GRAMD1C: variants seen among roughly 807,000 people sequenced by gnomAD.
GRAMD1C encodes the protein GRAM domain containing 1C, also known as protein Aster-C.
Under a neutral mutation model 97.8 loss-of-function variants are expected in GRAMD1C, and 89 were observed. The observed-to-expected ratio is 0.91, with a 90% CI of 0.77 to 1.09. GRAMD1C has a LOEUF of 1.09. Ranked by LOEUF, GRAMD1C falls within the 50% of genes least tolerant of loss-of-function variation. The pLI is 0.00. For missense variants in GRAMD1C, 740 were observed against 766.4 expected (o/e 0.97, Z 0.41); for synonymous variants, 256 against 267.0 (o/e 0.96, Z 0.40).
At position 113,838,948 on chromosome 3, in the gene GRAMD1C, GC is replaced by G; in HGVS notation, c.27+14del. 1 of 1,219,240 alleles carries G rather than the reference GC, an allele frequency of 8.2e-7. No homozygotes were observed. The highest frequency in any genetic ancestry group is 1.6e-5 in the African/African-American group (1 of 64,140). The allele number at this position is 1,219,240 out of a possible 1,614,324, so 75.5% of individuals were successfully genotyped here. ...CGACTGTCCGTCAGGTAAGCCGCGG[GC>G]CTCGCTGGGGCAGGTTCCCATCTGT... On this transcript the variant is annotated intron_variant, in intron 1 of 17. Coordinates refer to ENST00000358160, the MANE Select transcript of GRAMD1C (RefSeq NM_017577.5).
At chr3:113,882,862 A>G in intron 6 of GRAMD1C, 30 bp downstream of exon 6, 1 of 1,080,734 alleles carries the variant, frequency 9.3e-7, no homozygotes, top group Non-Finnish European at 1.4e-6. Context: ...GCAGTTGCTT[A>G]TTATAAGAAC....
chr3:113,886,973 G>C (rs142364088), intron 6 of GRAMD1C, among the ~76,000 whole-genome samples: 367 of 151,114 alleles, frequency 2.4e-3, no homozygotes, highest in African/African-American at 8.5e-3. Context: ...GTAGAGATGG[G>C]GTTTCGCCAT....
chr3:113,881,794 T>C lies in GRAMD1C; in HGVS notation c.460-958T>C, dbSNP rs76065765. Among the ~76,000 whole-genome samples the C allele has an allele frequency of 7.5e-3, 1,141 of 152,296 alleles. 6 individuals carry two copies. The highest frequency in any genetic ancestry group is 0.017 in the South Asian group (81 of 4,826). On this transcript the variant is annotated intron_variant, in intron 5 of 17. Coordinates refer to ENST00000358160, the MANE Select transcript of GRAMD1C (RefSeq NM_017577.5). Reference sequence around the variant, plus strand: ...ATGTATTGATTGTTAGATCACATATTATATATATAATTCTATTTGGAAGAG... The same window carrying C: ...ATGTATTGATTGTTAGATCACATATCATATATATAATTCTATTTGGAAGAG...
At chr3:113,856,560 G>A (rs1042624823) in intron 2 of GRAMD1C, among the ~76,000 whole-genome samples, 5 of 149,824 alleles carry the variant, frequency 3.3e-5, no homozygotes, top group African/African-American at 1.2e-4. Context: ...TTTATTTAGA[G>A]ACAGAGTCCT....
At chr3:113,907,623 C>G (rs190095371) in intron 8 of GRAMD1C, among the ~76,000 whole-genome samples, 1 of 151,836 alleles carries the variant, frequency 6.6e-6, no homozygotes. Context: ...TTGGAAATAA[C>G]AAAAAGTCAA....
At chr3:113,914,506 A>G (rs1936728539) in intron 9 of GRAMD1C, among the ~76,000 whole-genome samples, 1 of 152,202 alleles carries the variant, frequency 6.6e-6, no homozygotes, top group African/African-American at 2.4e-5. Context: ...TACCCAGATC[A>G]TTCTTAGAGC....
intron 1 of GRAMD1C, among the ~76,000 whole-genome samples, chr3:113,831,183 T>TAAC (rs1191988127): frequency 2.0e-5 from 3 of 152,298 alleles, no homozygotes; most frequent in Middle Eastern, 3.4e-3. Context: ...ATGTTCTTTA[T>TAAC]AACAACAACA....
intron 6 of GRAMD1C, among the ~76,000 whole-genome samples, chr3:113,887,118 G>A (rs1427851302): frequency 2.6e-5 from 3 of 113,378 alleles, no homozygotes; most frequent in Admixed American, 2.3e-4. Context: ...TTTTGAGATA[G>A]AGTCTCACTC....
intron 2 of GRAMD1C, among the ~76,000 whole-genome samples, chr3:113,866,184 C>G (rs1418872226): frequency 1.3e-5 from 2 of 152,166 alleles, no homozygotes; most frequent in South Asian, 4.1e-4. Context: ...GATATTGATA[C>G]CTCCAACTTA....
intron 6 of GRAMD1C, among the ~76,000 whole-genome samples, chr3:113,897,230 C>T (rs1380920183): frequency 6.6e-6 from 1 of 151,818 alleles, no homozygotes; most frequent in Non-Finnish European, 1.5e-5. Context: ...CATGACATTC[C>T]CAGAATTGCA....
intron 10 of GRAMD1C, among the ~76,000 whole-genome samples, chr3:113,928,252 G>A (rs905536320): frequency 6.6e-6 from 1 of 152,128 alleles, no homozygotes; most frequent in African/African-American, 2.4e-5. Context: ...CATCAACCCT[G>A]TTGTTTCCTG....
chr3:113,829,425 TAG>T (rs748620247), intron 1 of GRAMD1C, among the ~76,000 whole-genome samples: 7 of 151,980 alleles, frequency 4.6e-5, no homozygotes, highest in Non-Finnish European at 7.4e-5. Flanking sequence ...GCTTGGGTAA[TAG>T]AGAGAGACCC....
In GRAMD1C at chr3:113,866,914, C is replaced by T. The variant is rs1248322; in HGVS notation, c.175-2593C>T. ...CACGATCTTGGCTCACTGCAACCTC[C>T]GCCCTCCGAGTTCAAGGGATTCTCC... On this transcript the variant is annotated intron_variant, in intron 2 of 17. Transcript: ENST00000358160. Among the ~76,000 whole-genome samples the T allele has an allele frequency of 4.0e-5, 6 of 151,802 alleles. 1 individual carries two copies. Among genetic ancestry groups the T allele is most frequent in the African/African-American group, 7.3e-5 (3 of 41,312 alleles).
intron 1 of GRAMD1C, among the ~76,000 whole-genome samples, chr3:113,840,709 T>G (rs1401077897): frequency 6.6e-6 from 1 of 152,226 alleles, no homozygotes; most frequent in African/African-American, 2.4e-5. Flanking sequence ...TGACCCCTGT[T>G]TGTGCCATTG....
At chr3:113,856,587 G>A (rs534462760) in intron 2 of GRAMD1C, among the ~76,000 whole-genome samples, 46 of 152,012 alleles carry the variant, frequency 3.0e-4, no homozygotes, top group Non-Finnish European at 5.7e-4. Flanking sequence ...TCGCCCAGGC[G>A]GGAGTGCAGT....
intron 10 of GRAMD1C, among the ~76,000 whole-genome samples, chr3:113,917,209 CTT>C (rs58295699): frequency 0.2 from 29,894 of 152,080 alleles, 3,122 homozygotes; most frequent in African/African-American, 0.21. Context: ...ATTTTATTAA[CTT>C]TGGGAGCACA....
In GRAMD1C at chr3:113,916,696, A is replaced by T. The variant is rs184331515; in HGVS notation, c.1090+858A>T. Among the ~76,000 whole-genome samples the T allele has an allele frequency of 2.1e-3, 325 of 152,314 alleles. 13 individuals carry two copies. Among genetic ancestry groups the T allele is most frequent in the Admixed American group, 0.02 (307 of 15,294 alleles). ...GGTACATGTATGTATTCCCTTTGTG[A>T]AAATCATGGAGCTGTACACTTGAGA... is the stretch of plus-strand genomic sequence containing the variant. On this transcript the variant is annotated intron_variant, in intron 10 of 17. Coordinates refer to ENST00000358160, the MANE Select transcript of GRAMD1C (RefSeq NM_017577.5).
chr3:113,907,001 GCTATACCAT>G, intron 8 of GRAMD1C, among the ~76,000 whole-genome samples: 1 of 152,280 alleles, frequency 6.6e-6, no homozygotes, highest in African/African-American at 2.4e-5. Flanking sequence ...TGTGTAGTAA[GCTATACCAT>G]CTAAATTTGT....
intron 3 of GRAMD1C, among the ~76,000 whole-genome samples, chr3:113,870,888 G>A (rs966838045): frequency 6.7e-6 from 1 of 149,972 alleles, no homozygotes; most frequent in African/African-American, 2.5e-5. Flanking sequence ...AGGCTGAGGT[G>A]GGAGGATTGC....
Sources: gnomAD v4.1 joint callset for allele counts (sites outside exome capture counted in the v4.1 genomes callset) on GRCh38, gnomAD v4.1.1 for gene constraint, MANE v1.5 for transcripts, NCBI Gene and HGNC (gene_info 2026-07-23, HGNC 2026-07-21) for gene names.